The following CTNNA3 variants were observed in gnomAD, a reference collection of about 807,000 sequenced individuals.
CTNNA3 encodes the protein catenin alpha 3.
In CTNNA3, 76 loss-of-function variants were observed where a neutral mutation model predicts 95.7. The ratio of observed to expected loss-of-function variants is 0.79; its 90% CI spans 0.66 to 0.96. The LOEUF (loss-of-function observed/expected upper bound fraction) is 0.96. Ranked by LOEUF, CTNNA3 falls within the 40% of genes least tolerant of loss-of-function variation. The probability of loss-of-function intolerance (pLI) is 0.00; values close to 1 mark genes in which losing one functional copy is unlikely to be tolerated. For synonymous variants in CTNNA3, 431 were observed against 374.4 expected (o/e 1.15, Z -1.74); for missense variants, 1,191 against 1,089.8 (o/e 1.09, Z -1.31).
chr10:67,078,081 CCA>C (rs1390633019), intron 7 of CTNNA3, among the ~76,000 whole-genome samples: 4 of 152,148 alleles, frequency 2.6e-5, no homozygotes, highest in Non-Finnish European at 5.9e-5. Context: ...CAAGTCAATC[CCA>C]GTTACCCAAA....
At chr10:66,840,493 T>C (rs77912242) in intron 7 of CTNNA3, among the ~76,000 whole-genome samples, 15,684 of 151,854 alleles carry the variant, frequency 0.1, 1,400 homozygotes, top group East Asian at 0.34. Flanking sequence ...TATATTTTAT[T>C]TGCTTTGTAT....
At chr10:67,469,123 C>CA (rs931596462) in intron 5 of CTNNA3, among the ~76,000 whole-genome samples, 1 of 151,884 alleles carries the variant, frequency 6.6e-6, no homozygotes, top group African/African-American at 2.4e-5. Context: ...ACTCTAAGAA[C>CA]AAAAAACAGT....
chr10:66,839,963 G>A (rs1842993676), intron 7 of CTNNA3, among the ~76,000 whole-genome samples: 1 of 152,096 alleles, frequency 6.6e-6, no homozygotes, highest in African/African-American at 2.4e-5. Context: ...CTGATTTGGG[G>A]TGGTAGGTCT....
At chr10:67,620,292 T>C (rs560011077) in intron 2 of CTNNA3, among the ~76,000 whole-genome samples, 51 of 152,154 alleles carry the variant, frequency 3.4e-4, no homozygotes, top group African/African-American at 1.2e-3. Flanking sequence ...ATGGGACCCA[T>C]CACTCCCTCA....
At chr10:65,991,511 T>C (rs1426613760) in intron 15 of CTNNA3, among the ~76,000 whole-genome samples, 1 of 152,050 alleles carries the variant, frequency 6.6e-6, no homozygotes, top group African/African-American at 2.4e-5. Flanking sequence ...GCTTTTTTTT[T>C]GTAGCTATTT....
chr10:66,744,428 T>C (rs1490880309), intron 9 of CTNNA3, among the ~76,000 whole-genome samples: 3 of 152,226 alleles, frequency 2.0e-5, no homozygotes, highest in African/African-American at 4.8e-5. Context: ...ATATTTTTAA[T>C]GAAAAGGTTA....
intron 3 of CTNNA3, among the ~76,000 whole-genome samples, chr10:67,581,595 C>T (rs1372956195): frequency 6.6e-6 from 1 of 152,142 alleles, no homozygotes; most frequent in East Asian, 1.9e-4. Context: ...GGGAGGATTC[C>T]CTCTTTTTCT....
intron 5 of CTNNA3, among the ~76,000 whole-genome samples, chr10:67,281,638 A>T (rs1326790189): frequency 6.6e-6 from 1 of 152,150 alleles, no homozygotes; most frequent in Non-Finnish European, 1.5e-5. Context: ...ATAAAAATTA[A>T]TTTTCCAAGA....
At chr10:66,753,970 C>T (rs2132738598) in intron 9 of CTNNA3, among the ~76,000 whole-genome samples, 1 of 152,162 alleles carries the variant, frequency 6.6e-6, no homozygotes, top group South Asian at 2.1e-4. Context: ...AACTGATCTA[C>T]AGATTCAATG....
At chr10:67,222,438 G>A (rs528051882) in intron 5 of CTNNA3, among the ~76,000 whole-genome samples, 19 of 152,222 alleles carry the variant, frequency 1.2e-4, no homozygotes, top group East Asian at 1.9e-4. Context: ...TACTTCTGCC[G>A]ACCCTCTCAC....
chr10:67,557,416 T>C (rs917190385), intron 3 of CTNNA3, among the ~76,000 whole-genome samples: 1 of 152,216 alleles, frequency 6.6e-6, no homozygotes, highest in Non-Finnish European at 1.5e-5. Flanking sequence ...TCCTTTGTTC[T>C]ATCTCTATGC....
chr10:65,984,344 A>G (rs1305262112), intron 16 of CTNNA3, among the ~76,000 whole-genome samples: 3 of 151,276 alleles, frequency 2.0e-5, no homozygotes, highest in South Asian at 2.1e-4. Context: ...TTCAAAGACA[A>G]CCTCCCTAGA....
At chr10:66,540,059 A>AT (rs1339599481) in intron 10 of CTNNA3, among the ~76,000 whole-genome samples, 1 of 152,056 alleles carries the variant, frequency 6.6e-6, no homozygotes, top group East Asian at 1.9e-4. Context: ...ATCACCAAAC[A>AT]TTATCATCAT....
At chr10:66,210,831 C>A (rs1384221253) in intron 13 of CTNNA3, among the ~76,000 whole-genome samples, 1 of 152,138 alleles carries the variant, frequency 6.6e-6, no homozygotes, top group Non-Finnish European at 1.5e-5. Flanking sequence ...AGAACGTGAT[C>A]TACTGAAAAT....
At position 67,668,844 on chromosome 10, in the gene CTNNA3, T is replaced by G. The variant is rs1050246777; in HGVS notation, c.-5-21326A>C. Among the ~76,000 whole-genome samples, 689 of 144,552 alleles carry G rather than the reference T, an allele frequency of 4.8e-3. 6 individuals are homozygous for G. The highest frequency in any genetic ancestry group is 0.017 in the African/African-American group (651 of 38,688). 94.8% of individuals were successfully genotyped at this position (144,552 alleles called of 152,430 possible). A position where few individuals can be genotyped will look rare whatever the true frequency, so the allele number is the denominator to read the frequency against. ...GCCTACTGTGTTTCTTTTTTTTTTT[T>G]TTTTTTTTTTTTGAGACGGAGTCTC... is the stretch of plus-strand genomic sequence containing the variant. On this transcript the variant is annotated intron_variant, in intron 1 of 17. Coordinates refer to ENST00000433211, the MANE Select transcript of CTNNA3 (RefSeq NM_013266.4).
At chr10:66,346,468 G>A (rs1007317208) in intron 12 of CTNNA3, among the ~76,000 whole-genome samples, 3 of 151,790 alleles carry the variant, frequency 2.0e-5, no homozygotes, top group African/African-American at 4.8e-5. Context: ...TAGTAAAGAC[G>A]GGGCTTCACC....
intron 10 of CTNNA3, among the ~76,000 whole-genome samples, chr10:66,578,531 T>C (rs777293071): frequency 6.6e-6 from 1 of 152,036 alleles, no homozygotes; most frequent in Non-Finnish European, 1.5e-5. Flanking sequence ...CACGAAGGAA[T>C]GTTCAACTGT....
intron 9 of CTNNA3, among the ~76,000 whole-genome samples, chr10:66,633,553 A>C (rs529853230): frequency 6.6e-6 from 1 of 151,926 alleles, no homozygotes; most frequent in Non-Finnish European, 1.5e-5. Context: ...GGTGGCGGGC[A>C]CTTGTAGTCC....
chr10:67,117,814 G>A (rs956120518), intron 7 of CTNNA3, among the ~76,000 whole-genome samples: 1 of 151,996 alleles, frequency 6.6e-6, no homozygotes, highest in African/African-American at 2.4e-5. Context: ...TAATAATGAG[G>A]TGCCTCAGGG....
Sources: gnomAD v4.1 joint callset for allele counts (sites outside exome capture counted in the v4.1 genomes callset) on GRCh38, gnomAD v4.1.1 for gene constraint, MANE v1.5 for transcripts, NCBI Gene and HGNC (gene_info 2026-07-23, HGNC 2026-07-21) for gene names.